MID1: variants seen among roughly 807,000 people sequenced by gnomAD.
MID1 encodes E3 ubiquitin-protein ligase Midline-1.
Under a neutral mutation model 40.4 loss-of-function variants are expected in MID1, and 7 were observed. That is an observed-to-expected ratio of 0.17 (90% CI 0.10 to 0.33). The LOEUF (loss-of-function observed/expected upper bound fraction) is 0.33, where lower values mean the gene tolerates loss of function less well. Among genes scored for constraint, MID1 ranks in the 10% least tolerant of loss-of-function variants. The pLI, the probability that MID1 is intolerant of heterozygous loss-of-function variation, is 1.00. For synonymous variants in MID1, 229 were observed against 221.2 expected (o/e 1.04, Z -0.31); for missense variants, 367 against 558.5 (o/e 0.66, Z 3.46).
At chrX:10,754,746 G>T (rs1233010127) in intron 1 of MID1, among the ~76,000 whole-genome samples, 5 of 111,165 alleles carry the variant, frequency 4.5e-5, no homozygotes, top group Non-Finnish European at 7.5e-5. Context: ...TCAGTCTAGG[G>T]TCTAGGGAAC....
chrX:10,572,126 T>C (rs1352457281), intron 1 of MID1, among the ~76,000 whole-genome samples: 1 of 106,452 alleles, frequency 9.4e-6, no homozygotes, highest in Non-Finnish European at 1.9e-5. Flanking sequence ...TCTCTCTCTC[T>C]CTTTCTCTCT....
chrX:10,583,667 G>A (rs893381662), intron 1 of MID1, among the ~76,000 whole-genome samples: 1 of 112,279 alleles, frequency 8.9e-6, no homozygotes, highest in Non-Finnish European at 1.9e-5. Flanking sequence ...AGCCAAAAAA[G>A]CAGGAACCAT....
intron 1 of MID1, among the ~76,000 whole-genome samples, chrX:10,628,186 T>C (rs1305571088): frequency 3.6e-5 from 4 of 110,758 alleles, no homozygotes; most frequent in Admixed American, 9.6e-5. Context: ...GAACCACTTA[T>C]GAAAATCAAC....
At chrX:10,633,565 C>T (rs1936076013) in intron 1 of MID1, among the ~76,000 whole-genome samples, 1 of 110,879 alleles carries the variant, frequency 9.0e-6, no homozygotes. Context: ...AATCCTCCTA[C>T]CTCAGCCTCC....
chrX:10,587,386 C>T (rs960747726), intron 1 of MID1, among the ~76,000 whole-genome samples: 7 of 113,025 alleles, frequency 6.2e-5, no homozygotes, highest in Non-Finnish European at 9.4e-5. Context: ...TCCTCCCTGT[C>T]GTGAGAGACA....
At chrX:10,732,934 G>A (rs1355461949) in intron 1 of MID1, among the ~76,000 whole-genome samples, 1 of 100,681 alleles carries the variant, frequency 9.9e-6, no homozygotes, top group Non-Finnish European at 2.0e-5. Flanking sequence ...CGCGATCTCC[G>A]CTCACTGCAA....
chrX:10,708,307 T>A (rs2043244793), intron 1 of MID1, among the ~76,000 whole-genome samples: 1 of 111,819 alleles, frequency 8.9e-6, no homozygotes, highest in Non-Finnish European at 1.9e-5. Context: ...CAGACAGGTA[T>A]ACATAATTCA....
intron 1 of MID1, among the ~76,000 whole-genome samples, chrX:10,787,162 A>G (rs2043891766): frequency 9.0e-6 from 1 of 110,793 alleles, no homozygotes; most frequent in Non-Finnish European, 1.9e-5. Context: ...ATAACCTACC[A>G]TTTATTAGAA....
chrX:10,756,857 G>C, intron 1 of MID1, among the ~76,000 whole-genome samples: 1 of 111,716 alleles, frequency 9.0e-6, no homozygotes. Context: ...ACTTGCAAAG[G>C]CTGCCAGCAC....
chrX:10,504,494 C>A (rs1931726116), intron 3 of MID1, among the ~76,000 whole-genome samples: 1 of 111,631 alleles, frequency 9.0e-6, no homozygotes, highest in African/African-American at 3.3e-5. Flanking sequence ...TCTGGAATGT[C>A]CATAGATAAT....
At chrX:10,609,445 C>A (rs952262310) in intron 1 of MID1, among the ~76,000 whole-genome samples, 4 of 111,003 alleles carry the variant, frequency 3.6e-5, no homozygotes, top group African/African-American at 1.3e-4. Flanking sequence ...ATATATAATC[C>A]TTCATTTAGT....
At chrX:10,812,516 C>T (rs1240872570) in intron 1 of MID1, among the ~76,000 whole-genome samples, 1 of 111,321 alleles carries the variant, frequency 9.0e-6, no homozygotes, top group Non-Finnish European at 1.9e-5. Context: ...CTCTCTCTTT[C>T]AGTGATGCCA....
At chrX:10,613,732 T>TAGAGAG (rs1163813461) in intron 1 of MID1, among the ~76,000 whole-genome samples, 211 of 17,446 alleles carry the variant, frequency 0.012, 14 homozygotes, top group East Asian at 0.034. Context: ...TATATATATA[T>TAGAGAG]AGAGAGAGAG....
At chrX:10,482,210 C>T (rs182430455) in intron 5 of MID1, among the ~76,000 whole-genome samples, 329 of 111,845 alleles carry the variant, frequency 2.9e-3, no homozygotes, top group African/African-American at 0.01. Context: ...GCTCCCCCCT[C>T]GTCCAAAAGC....
intron 1 of MID1, among the ~76,000 whole-genome samples, chrX:10,629,562 A>G (rs183416709): frequency 2.7e-5 from 3 of 111,963 alleles, no homozygotes; most frequent in Non-Finnish European, 5.6e-5. Context: ...TGTTCATCCA[A>G]TCAACCAGAG....
intron 1 of MID1, among the ~76,000 whole-genome samples, chrX:10,643,825 A>G (rs1936231214): frequency 8.9e-6 from 1 of 112,027 alleles, no homozygotes; most frequent in African/African-American, 3.2e-5. Flanking sequence ...CTATGCAGCC[A>G]TAAAAAATGA....
intron 1 of MID1, among the ~76,000 whole-genome samples, chrX:10,601,544 A>G (rs781651499): frequency 1.4e-3 from 160 of 111,870 alleles, no homozygotes; most frequent in Middle Eastern, 4.6e-3. Flanking sequence ...AAAACCCAAA[A>G]TATTTACTGT....
At chrX:10,778,648 T>C (rs62589990) in intron 1 of MID1, among the ~76,000 whole-genome samples, 3,190 of 112,034 alleles carry the variant, frequency 0.028, 39 homozygotes, top group South Asian at 0.05. Context: ...GAGAAAGAGA[T>C]ATGATGACAG....
chrX:10,642,969 A>G (rs1029126333), intron 1 of MID1, among the ~76,000 whole-genome samples: 5 of 111,930 alleles, frequency 4.5e-5, no homozygotes, highest in African/African-American at 1.3e-4. Flanking sequence ...ATATGTAGAA[A>G]GCTGAAACTG....
Sources: gnomAD v4.1 joint callset for allele counts (sites outside exome capture counted in the v4.1 genomes callset) on GRCh38, gnomAD v4.1.1 for gene constraint, MANE v1.5 for transcripts, NCBI Gene and HGNC (gene_info 2026-07-23, HGNC 2026-07-21) for gene names.